NELL1: variants seen among roughly 807,000 people sequenced by gnomAD.
NELL1 encodes protein kinase C-binding protein NELL1.
In NELL1, 76 loss-of-function variants were observed where a neutral mutation model predicts 107.4. That is an observed-to-expected ratio of 0.71 (90% CI 0.59 to 0.86). The LOEUF is 0.86. Ranked by LOEUF, NELL1 falls within the 40% of genes least tolerant of loss-of-function variation. The pLI is 0.00. For missense variants in NELL1, 1,024 were observed against 1,005.5 expected, an observed-to-expected ratio of 1.02 and a Z score of -0.25; for synonymous variants, 353 against 341.2, an observed-to-expected ratio of 1.03 and a Z score of -0.38.
chr11:21,456,540 T>A (rs1418703232), intron 15 of NELL1, among the ~76,000 whole-genome samples: 4 of 146,166 alleles, frequency 2.7e-5, no homozygotes, highest in Admixed American at 6.7e-5. Flanking sequence ...GAAAAAGTAT[T>A]TTTTTTTGGA....
At chr11:20,748,633 T>C (rs1038767227) in intron 2 of NELL1, among the ~76,000 whole-genome samples, 14 of 152,262 alleles carry the variant, frequency 9.2e-5, no homozygotes, top group African/African-American at 2.9e-4. Flanking sequence ...AGCTTATCTC[T>C]CACTTATAAG....
At chr11:21,009,820 G>A (rs568196073) in intron 12 of NELL1, among the ~76,000 whole-genome samples, 10 of 152,170 alleles carry the variant, frequency 6.6e-5, no homozygotes, top group Non-Finnish European at 8.8e-5. Flanking sequence ...CTTAACGAGC[G>A]TGTGCTCAGA....
At chr11:20,898,889 G>A (rs1849810891) in intron 5 of NELL1, among the ~76,000 whole-genome samples, 1 of 151,768 alleles carries the variant, frequency 6.6e-6, no homozygotes, top group Non-Finnish European at 1.5e-5. Context: ...AGATCTAGGT[G>A]GCACTTGCAC....
chr11:20,780,342 T>G (rs573387390), intron 2 of NELL1, among the ~76,000 whole-genome samples: 1 of 152,282 alleles, frequency 6.6e-6, no homozygotes, highest in South Asian at 2.1e-4. Context: ...GAAGGACCCA[T>G]TTATCTCCTG....
chr11:21,574,843 TA>T, intron 19 of NELL1, 128 bp from the exon 20 acceptor site: 1 of 715,860 alleles, frequency 1.4e-6, no homozygotes, highest in Non-Finnish European at 2.4e-6. Flanking sequence ...CATTTTTTTC[TA>T]GTCATTTTTT....
rs796498154 is a variant in NELL1, at chr11:21,287,245, C to T, written c.1549+57791C>T. Among the ~76,000 whole-genome samples the T allele has an allele frequency of 3.3e-5, 5 of 151,836 alleles. No homozygotes were observed. The South Asian group carries it at 1.0e-3, about 31-fold the overall frequency. ...GGCAACCCCTCTTTTTTTTCACCAA[C>T]ACCTTCTTCCTCATTAGCTTTTCTT... is the stretch of plus-strand genomic sequence containing the variant. On this transcript the variant is annotated intron_variant, in intron 14 of 19. Transcript: ENST00000357134.
chr11:21,243,872 C>T (rs1483266397), intron 14 of NELL1, among the ~76,000 whole-genome samples: 1 of 152,056 alleles, frequency 6.6e-6, no homozygotes, highest in Non-Finnish European at 1.5e-5. Context: ...TTAATCTGCA[C>T]CCTTAAGCAC....
chr11:21,431,712 T>A (rs1025750783), intron 15 of NELL1, among the ~76,000 whole-genome samples: 2 of 152,192 alleles, frequency 1.3e-5, no homozygotes, highest in Admixed American at 6.5e-5. Flanking sequence ...CAGTGGTTCA[T>A]CCCATTCCTT....
At chr11:21,176,225 T>C (rs1856708706) in intron 13 of NELL1, among the ~76,000 whole-genome samples, 2 of 151,908 alleles carry the variant, frequency 1.3e-5, no homozygotes, top group African/African-American at 4.9e-5. Context: ...GCCATCAACT[T>C]TCTGAACCAT....
chr11:20,795,901 A>G (rs565043494), intron 3 of NELL1, among the ~76,000 whole-genome samples: 135 of 152,234 alleles, frequency 8.9e-4, no homozygotes, highest in African/African-American at 3.1e-3. Flanking sequence ...TCCTGGATCT[A>G]TCAATTGCTA....
At chr11:21,206,304 C>T (rs1857388452) in intron 13 of NELL1, among the ~76,000 whole-genome samples, 1 of 152,186 alleles carries the variant, frequency 6.6e-6, no homozygotes, top group African/African-American at 2.4e-5. Context: ...GCCTGATCCA[C>T]TCTGTGTATC....
chr11:21,149,162 T>C (rs537754097), intron 13 of NELL1, among the ~76,000 whole-genome samples: 1 of 152,332 alleles, frequency 6.6e-6, no homozygotes, highest in South Asian at 2.1e-4. Context: ...TTGACTCTGC[T>C]CTGTTGATGG....
chr11:21,533,174 C>T (rs1158478599), intron 15 of NELL1, among the ~76,000 whole-genome samples: 2 of 152,084 alleles, frequency 1.3e-5, no homozygotes, highest in African/African-American at 4.8e-5. Flanking sequence ...AGGAACTACA[C>T]CTTTTCTCTC....
chr11:21,411,873 G>A (rs1852385867), intron 15 of NELL1, among the ~76,000 whole-genome samples: 1 of 152,058 alleles, frequency 6.6e-6, no homozygotes, highest in Non-Finnish European at 1.5e-5. Flanking sequence ...GACTTTAAGT[G>A]TTGGCTGTGA....
chr11:20,783,545 GA>G (rs1480040622), intron 2 of NELL1, 134 bp from the exon 3 acceptor site: 2 of 609,032 alleles, frequency 3.3e-6, no homozygotes, highest in African/African-American at 3.7e-5. Context: ...CTTTGGACAT[GA>G]CATTTTTAAC....
chr11:20,741,167 C>T (rs1309199173), intron 2 of NELL1, among the ~76,000 whole-genome samples: 1 of 83,464 alleles, frequency 1.2e-5, no homozygotes, highest in Non-Finnish European at 2.7e-5. Context: ...TTCTGATGTT[C>T]TCATTCTAAA....
chr11:20,720,917 G>A (rs905256621), intron 2 of NELL1, among the ~76,000 whole-genome samples: 2 of 152,002 alleles, frequency 1.3e-5, no homozygotes, highest in African/African-American at 2.4e-5. Flanking sequence ...ATGAATTTTT[G>A]GGGGGACACA....
chr11:20,762,794 C>G (rs868811529), intron 2 of NELL1, among the ~76,000 whole-genome samples: 1 of 151,780 alleles, frequency 6.6e-6, no homozygotes, highest in Middle Eastern at 3.2e-3. Flanking sequence ...ACATTTTTGT[C>G]TTTTTTAGAG....
chr11:21,152,169 G>GCCT (rs1162344149), intron 13 of NELL1, among the ~76,000 whole-genome samples: 3 of 152,200 alleles, frequency 2.0e-5, no homozygotes, highest in African/African-American at 7.2e-5. Context: ...GGAATGCAGG[G>GCCT]GGTGGAGGGG....
Sources: allele counts gnomAD v4.1 joint callset (sites outside exome capture counted in the v4.1 genomes callset), GRCh38; gene constraint gnomAD v4.1.1; transcripts MANE v1.5; gene names NCBI Gene and HGNC (gene_info 2026-07-23, HGNC 2026-07-21).